Variants in AGFG1 observed in about 807,000 individuals in gnomAD.
AGFG1 encodes ArfGAP with FG repeats 1.
AGFG1 carries 10 observed loss-of-function variants against 60.6 expected under a neutral mutation model. That is an observed-to-expected ratio of 0.16 (90% CI 0.10 to 0.28). The LOEUF (loss-of-function observed/expected upper bound fraction) is 0.28, where lower values mean the gene tolerates loss of function less well. Ranked by LOEUF, AGFG1 falls within the 10% of genes least tolerant of loss-of-function variation. The pLI, the probability that AGFG1 is intolerant of heterozygous loss-of-function variation, is 1.00. For synonymous variants in AGFG1, 247 were observed against 242.9 expected (o/e 1.02, Z -0.16); for missense variants, 537 against 676.5 (o/e 0.79, Z 2.29).
At chr2:227,489,777 G>A (rs1314688988) in intron 1 of AGFG1, among the ~76,000 whole-genome samples, 1 of 151,946 alleles carries the variant, frequency 6.6e-6, no homozygotes, top group Non-Finnish European at 1.5e-5. Context: ...AAGAAGCAGT[G>A]AATTGAGGAG....
At chr2:227,475,412 T>C (rs1690252469) in intron 1 of AGFG1, among the ~76,000 whole-genome samples, 1 of 152,146 alleles carries the variant, frequency 6.6e-6, no homozygotes, top group Non-Finnish European at 1.5e-5. Context: ...AAATCTGAAA[T>C]CTAGAATTCT....
At chr2:227,505,142 C>CCT in intron 2 of AGFG1, among the ~76,000 whole-genome samples, 1 of 152,170 alleles carries the variant, frequency 6.6e-6, no homozygotes, top group Non-Finnish European at 1.5e-5. Context: ...GATTATGCCA[C>CCT]CATTATGTAA....
rs1391620105 is a variant in AGFG1, at chr2:227,485,000, G to A, written c.168-6547G>A. On this transcript the variant is annotated intron_variant, in intron 1 of 12. Transcript: ENST00000310078. Reference sequence around the variant, plus strand: ...GCTGGGATTACACACATAAGCCACCGTACCTAGCCTAGTGGGTTTTTTTGT... The same window carrying A: ...GCTGGGATTACACACATAAGCCACCATACCTAGCCTAGTGGGTTTTTTTGT... 5.3e-5 allele frequency among the ~76,000 whole-genome samples: 8 copies of A among 151,996 alleles called. 1 individual carries two copies. Among genetic ancestry groups the A allele is most frequent in the Admixed American group, 1.3e-4 (2 of 15,246 alleles).
chr2:227,536,031 T>C (rs1250485210), intron 8 of AGFG1, among the ~76,000 whole-genome samples: 1 of 152,204 alleles, frequency 6.6e-6, no homozygotes, highest in African/African-American at 2.4e-5. Flanking sequence ...TTTTATTTTT[T>C]TTTAATACTT....
chr2:227,494,007 C>G (rs922404327), intron 2 of AGFG1, among the ~76,000 whole-genome samples: 3 of 152,070 alleles, frequency 2.0e-5, no homozygotes, highest in Non-Finnish European at 2.9e-5. Context: ...GGGAAACTTG[C>G]AATAGGTTGC....
At position 227,536,905 on chromosome 2, in the gene AGFG1, G is replaced by A. The variant is rs574803593; in HGVS notation, c.1290G>A (p.Thr430=). Residue 430 remains threonine (T), a synonymous_variant, in exon 10 of 13, where the codon ACG becomes ACA. Transcript: ENST00000310078. ...GTATTTTATAATTTTTTAAAGCTAC[G>A]CCTTCCACAAATCCATTTGTTGCTG... ...SSSVPAPFGA[T]PSTNPFVAAA... The A allele has an allele frequency of 1.2e-5, 19 of 1,611,714 alleles. No homozygotes were observed. In the South Asian group the frequency reaches 1.4e-4, roughly 12 times the overall value.
In AGFG1 at chr2:227,536,723, T is replaced by C. The variant is rs377595136; in HGVS notation, c.1285+19T>C. 42 of 1,612,392 alleles carry C rather than the reference T, an allele frequency of 2.6e-5. No homozygotes were observed. The highest frequency in any genetic ancestry group is 3.6e-5 in the Non-Finnish European group (42 of 1,178,784). The stretch of plus-strand genomic sequence containing the variant: ...TTTGGAGGTATGTGCTTCTGGTATA[T>C]ACACTGGTTTTTACAAAGAACCCAA... On this transcript the variant is annotated intron_variant, in intron 9 of 12. Transcript: ENST00000310078.
chr2:227,486,151 G>A (rs577246802), intron 1 of AGFG1, among the ~76,000 whole-genome samples: 16 of 152,226 alleles, frequency 1.1e-4, no homozygotes, highest in African/African-American at 3.1e-4. Flanking sequence ...CTCTCATCTC[G>A]CCTTGGCTAT....
Position 227,472,554 on chromosome 2 carries a change from G to A in AGFG1, c.133G>A (p.Gly45Ser). The change falls in exon 1 of 13, where the codon GGC becomes AGC. Residue 45 changes from glycine (G) to serine (S), a missense_variant. This residue lies in a region of AGFG1 where 120 missense variants were observed against 198.5 expected (regional missense o/e 0.60). Coordinates refer to ENST00000310078, the MANE Select transcript of AGFG1 (RefSeq NM_004504.5). ...CCCCACCTACGTTAACATGACGGTCGGCTCCTTCGTGTGTACCTCCTGCTC... is the reference window on the plus strand; with the variant it reads ...CCCCACCTACGTTAACATGACGGTCAGCTCCTTCGTGTGTACCTCCTGCTC... ...RGPTYVNMTV[G>S]SFVCTSCSGS... The A allele has an allele frequency of 6.3e-7, 1 of 1,581,036 alleles. No homozygotes were observed. Among genetic ancestry groups the A allele is most frequent in the Non-Finnish European group, 8.6e-7 (1 of 1,163,402 alleles).
At chr2:227,499,145 T>C (rs988622273) in intron 2 of AGFG1, among the ~76,000 whole-genome samples, 1 of 152,202 alleles carries the variant, frequency 6.6e-6, no homozygotes, top group African/African-American at 2.4e-5. Flanking sequence ...CTTTAAAATA[T>C]ATATGGCAAC....
chr2:227,506,491 T>G (rs1691317039), intron 2 of AGFG1, among the ~76,000 whole-genome samples: 1 of 149,746 alleles, frequency 6.7e-6, no homozygotes, highest in African/African-American at 2.5e-5. Context: ...TACTTTAAGC[T>G]TTAAGGCTTG....
chr2:227,495,511 A>G (rs997505163), intron 2 of AGFG1, among the ~76,000 whole-genome samples: 1 of 150,806 alleles, frequency 6.6e-6, no homozygotes, highest in Admixed American at 6.6e-5. Context: ...ATGCAACTGC[A>G]CACCAGCCTC....
chr2:227,494,699 T>G lies in AGFG1; in HGVS notation c.261+3059T>G, dbSNP rs116369370. Among the ~76,000 whole-genome samples the G allele has an allele frequency of 6.6e-3, 1,002 of 152,318 alleles. 19 individuals carry two copies. Among genetic ancestry groups the G allele is most frequent in the African/African-American group, 0.023 (956 of 41,556 alleles). ...ATGCTATGAATGTTCCTCCAGACAT[T>G]TATATGTGGGAAACATCTGTGTATG... On this transcript the variant is annotated intron_variant, in intron 2 of 12. Coordinates refer to ENST00000310078, the MANE Select transcript of AGFG1 (RefSeq NM_004504.5).
In AGFG1 at chr2:227,534,957, A is replaced by G. The variant is rs1322193867; in HGVS notation, c.1137A>G (p.Glu379=). Residue 379 remains glutamate (E), a synonymous_variant, in exon 8 of 13, where the codon GAA becomes GAG. Coordinates refer to ENST00000310078, the MANE Select transcript of AGFG1 (RefSeq NM_004504.5). ...ASSDKYAALA[E]LDSVFSSAAT... is the part of the protein sequence containing the mutation. ...CAGACAAGTATGCAGCTCTGGCAGA[A>G]CTAGACAGCGTTTTCAGTTCTGCAG... 1 of 1,613,806 alleles carries G rather than the reference A, an allele frequency of 6.2e-7. No individual in the cohort carries two copies. The highest frequency in any genetic ancestry group is 1.7e-5 in the Admixed American group (1 of 59,984).
intron 3 of AGFG1, among the ~76,000 whole-genome samples, chr2:227,522,956 G>C (rs1233175615): frequency 6.6e-6 from 1 of 152,190 alleles, no homozygotes; most frequent in Non-Finnish European, 1.5e-5. Context: ...GAGTAGCTAT[G>C]AGTATTGTAT....
At chr2:227,497,743 T>G (rs1161222270) in intron 2 of AGFG1, among the ~76,000 whole-genome samples, 8 of 120,608 alleles carry the variant, frequency 6.6e-5, no homozygotes, top group African/African-American at 1.7e-4. Flanking sequence ...TTGTTTTTTT[T>G]TTTTTTTTTT....
chr2:227,520,107 C>T (rs1458428718), intron 3 of AGFG1, 44 bp downstream of exon 3: 1 of 1,170,504 alleles, frequency 8.5e-7, no homozygotes, highest in Non-Finnish European at 1.2e-6. Flanking sequence ...CCCCAAATCA[C>T]ATATTAACTA....
At chr2:227,532,091 T>C in intron 6 of AGFG1, 1 of 1,449,682 alleles carries the variant, frequency 6.9e-7, no homozygotes. Flanking sequence ...TTTTCTTTTT[T>C]GTTTTTTCTT....
At position 227,524,902 on chromosome 2, in the gene AGFG1, C is replaced by G. The variant is rs1691943242; in HGVS notation, c.681C>G (p.Phe227Leu). Residue 227 changes from phenylalanine to leucine, a missense_variant, in exon 5 of 13, where the codon TTC becomes TTG. By Grantham distance (22) the Phe-to-Leu change is conservative. Around this residue, in one of 4 missense-constraint regions of AGFG1, gnomAD observed 102 missense variants for 82.9 expected, o/e 1.23. Transcript: ENST00000310078. ...CCAATTTTGCTAACTTTGCACATTT[C>G]AACAGTCATGCAGGTAAGTGTTTTT... ...ATANFANFAH[F>L]NSHAAQNSAN... 1 of 1,614,066 alleles carries G rather than the reference C, an allele frequency of 6.2e-7. No homozygotes were observed. The highest frequency in any genetic ancestry group is 8.5e-7 in the Non-Finnish European group (1 of 1,179,940).
Sources: allele counts gnomAD v4.1 joint callset (sites outside exome capture counted in the v4.1 genomes callset), GRCh38; gene constraint gnomAD v4.1.1; regional missense constraint gnomAD v4.1.1; transcripts MANE v1.5; gene names NCBI Gene and HGNC (gene_info 2026-07-23, HGNC 2026-07-21).